The following COG4 variants were observed in gnomAD, a reference collection of about 807,000 sequenced individuals.
COG4 encodes conserved oligomeric Golgi complex subunit 4.
A neutral mutation model predicts 95.1 loss-of-function variants in COG4; 65 were observed. The ratio of observed to expected loss-of-function variants is 0.68; its 90% CI spans 0.56 to 0.84. The LOEUF is 0.84. Among genes scored for constraint, COG4 ranks in the 40% least tolerant of loss-of-function variants. The pLI, the probability that COG4 is intolerant of heterozygous loss-of-function variation, is 0.00. For synonymous variants in COG4, 421 were observed against 374.8 expected (o/e 1.12, Z -1.42); for missense variants, 1,045 against 989.1 (o/e 1.06, Z -0.76).
chr16:70,512,186 A>T, intron 5 of COG4, 53 bp downstream of exon 5: 2 of 1,549,276 alleles, frequency 1.3e-6, no homozygotes, highest in Non-Finnish European at 1.8e-6. Context: ...CAGTGCCCCA[A>T]TCTGCAGGCA....
intron 13 of COG4, among the ~76,000 whole-genome samples, chr16:70,486,537 T>TA (rs2049139597): frequency 6.6e-6 from 1 of 152,202 alleles, no homozygotes; most frequent in African/African-American, 2.4e-5. Flanking sequence ...AATGCAAATC[T>TA]AAGGGCAGCT....
intron 12 of COG4, among the ~76,000 whole-genome samples, chr16:70,495,747 C>T (rs2049327696): frequency 6.6e-6 from 1 of 152,244 alleles, no homozygotes; most frequent in Admixed American, 6.5e-5. Context: ...AGCTGTCACA[C>T]AATGGAAGGC....
rs778505582 is a variant in COG4 at position 70,517,667 on chromosome 16, C to T, written c.328G>A (p.Glu110Lys). Residue 110 changes from glutamate (E) to lysine (K), a missense_variant, in exon 3 of 19, where the codon GAG becomes AAG. Coordinates refer to ENST00000323786, the MANE Select transcript of COG4 (RefSeq NM_015386.3). ...TGACGAACTTTGCTGGACACATTCT[C>T]AGCCAGGTTGCAGGTAAAGGTGATC... ...GMITFTCNLA[E>K]NVSSKVRQLD... The T allele has an allele frequency of 1.2e-6, 2 of 1,608,074 alleles. No homozygotes were observed. Among genetic ancestry groups the T allele is most frequent in the Admixed American group, 3.4e-5 (2 of 59,680 alleles).
rs112890576 is a variant in COG4, at chr16:70,491,174, C to T, written c.1648-782G>A. ...GTCTGCTAAATACCCCCATAGAACACGTATTATCAAGCCCAGTGCACGGGA... is the reference window on the plus strand; with the variant it reads ...GTCTGCTAAATACCCCCATAGAACATGTATTATCAAGCCCAGTGCACGGGA... On this transcript the variant is annotated intron_variant, in intron 12 of 18. Transcript: ENST00000323786. Among the ~76,000 whole-genome samples the T allele has an allele frequency of 6.7e-3, 1,019 of 152,104 alleles. 18 individuals are homozygous for T. Among genetic ancestry groups the T allele is most frequent in the African/African-American group, 0.023 (965 of 41,484 alleles).
chr16:70,498,953 A>G (rs1404153349), intron 9 of COG4, among the ~76,000 whole-genome samples: 3 of 152,138 alleles, frequency 2.0e-5, no homozygotes, highest in African/African-American at 7.2e-5. Context: ...GGTGGCTCAC[A>G]CCTGTAATCC....
chr16:70,481,567 G>T (rs2048993268), intron 17 of COG4, 80 bp from the exon 18 acceptor site: 2 of 1,598,130 alleles, frequency 1.3e-6, no homozygotes, highest in South Asian at 2.2e-5. Flanking sequence ...GAGCTGGGTG[G>T]CAAGGCCCGC....
chr16:70,509,050 G>T, intron 7 of COG4, 181 bp downstream of exon 7: 1 of 741,808 alleles, frequency 1.3e-6, no homozygotes, highest in South Asian at 1.5e-5. Flanking sequence ...TCATCATCTC[G>T]ACAACACCTC....
At chr16:70,486,155 A>G (rs1051125687) in intron 13 of COG4, among the ~76,000 whole-genome samples, 1 of 152,166 alleles carries the variant, frequency 6.6e-6, no homozygotes, top group Non-Finnish European at 1.5e-5. Context: ...TTGGCCTCCC[A>G]AAGTGCTAGG....
intron 13 of COG4, among the ~76,000 whole-genome samples, chr16:70,484,636 C>T (rs1180578583): frequency 6.6e-6 from 1 of 152,214 alleles, no homozygotes; most frequent in African/African-American, 2.4e-5. Flanking sequence ...CGAGGTGGCT[C>T]ATGCGGGTAA....
Position 70,500,744 on chromosome 16 carries a change from C to A in COG4, c.1195+214G>T, listed in dbSNP as rs749556989. 1.2e-4 allele frequency among the ~76,000 whole-genome samples: 19 copies of A among 152,238 alleles called. No homozygotes were observed. In the Middle Eastern group the frequency reaches 0.01, roughly 82 times the overall value. ...AAAATTTAAAACAGGGCACCAGTGTCCTCATCTGTAAAGTGATTAGATGGC... is the reference window on the plus strand; with the variant it reads ...AAAATTTAAAACAGGGCACCAGTGTACTCATCTGTAAAGTGATTAGATGGC... On this transcript the variant is annotated intron_variant, in intron 9 of 18. Transcript: ENST00000323786.
rs535935157 is a variant in COG4, at chr16:70,480,972, C to G, written c.*38G>C. 8 of 1,609,890 alleles carry G rather than the reference C, an allele frequency of 5.0e-6. No individual in the cohort carries two copies. The South Asian group carries it at 8.8e-5, about 18-fold the overall frequency. On this transcript the variant is annotated 3_prime_UTR_variant, in exon 19 of 19. Transcript: ENST00000323786. ...GGCTGGGGCCCCTTAGGGAACAGGC[C>G]TGCAAGTGTGATGAGCCAGGTGTGC...
intron 8 of COG4, among the ~76,000 whole-genome samples, chr16:70,506,914 C>G (rs2049589940): frequency 6.6e-6 from 1 of 151,980 alleles, no homozygotes; most frequent in African/African-American, 2.4e-5. Context: ...ATATTTTGGT[C>G]AGAAATGAAC....
At chr16:70,509,731 GGAGA>G (rs2151758478) in intron 6 of COG4, 181 bp downstream of exon 6, 2 of 641,196 alleles carry the variant, frequency 3.1e-6, no homozygotes, top group South Asian at 3.6e-5. Flanking sequence ...TCAAAACACT[GGAGA>G]GACTCTAATC....
Position 70,496,310 on chromosome 16 carries a change from T to G in COG4, c.1603A>C (p.Thr535Pro). 6.2e-7 allele frequency: 1 copy of G among 1,614,202 alleles called. No individual in the cohort carries two copies. The highest frequency in any genetic ancestry group is 8.5e-7 in the Non-Finnish European group (1 of 1,180,034). Residue 535 changes from threonine to proline, a missense_variant, in exon 12 of 19, where the codon ACA (threonine) becomes CCA (proline). Coordinates refer to ENST00000323786, the MANE Select transcript of COG4 (RefSeq NM_015386.3). Reference sequence around the variant, plus strand: ...TCGTCAGTACTCTCGATGCCTTTTGTGTCAAATTTGCCTTGCTGGAGGCTG... The same window carrying G: ...TCGTCAGTACTCTCGATGCCTTTTGGGTCAAATTTGCCTTGCTGGAGGCTG... ...HSSLQQGKFDTKGIESTDEAK... is the reference protein window; with the variant it reads ...HSSLQQGKFDPKGIESTDEAK...
chr16:70,523,055 C>G, intron 1 of COG4: 2 of 372,240 alleles, frequency 5.4e-6, no homozygotes, highest in Non-Finnish European at 9.9e-6. Context: ...ATTTTGAGAA[C>G]CAAGCAATTT....
chr16:70,507,936 T>A (rs1165591725), intron 8 of COG4, among the ~76,000 whole-genome samples: 3 of 152,064 alleles, frequency 2.0e-5, no homozygotes, highest in Non-Finnish European at 4.4e-5. Context: ...TTATTTATTT[T>A]TTGAGACAGA....
rs770812330 is a variant in COG4 at position 70,509,365 on chromosome 16, G to A, written c.868C>T (p.His290Tyr). ...FEGIARIVET[H>Y]QPIVETYYGP... The stretch of plus-strand genomic sequence containing the variant: ...TAATAGGTCTCCACTATTGGCTGGT[G>A]GGTCTCCACAATGCGGGCAATCCCT... Residue 290 changes from histidine to tyrosine, a missense_variant, in exon 7 of 19, where the codon CAC (histidine) becomes TAC (tyrosine). His to Tyr is a moderately conservative substitution (Grantham distance 83). Transcript: ENST00000323786. 2.2e-5 allele frequency: 35 copies of A among 1,614,018 alleles called. No individual in the cohort carries two copies. Among genetic ancestry groups the A allele is most frequent in the Non-Finnish European group, 3.0e-5 (35 of 1,180,016 alleles).
chr16:70,506,835 T>C (rs527513240), intron 8 of COG4, among the ~76,000 whole-genome samples: 1 of 152,096 alleles, frequency 6.6e-6, no homozygotes, highest in South Asian at 2.1e-4. Flanking sequence ...AGGATAGTAG[T>C]TACCTTTGTG....
Position 70,509,240 on chromosome 16 carries a change from G to C in COG4, c.993C>G (p.Tyr331Ter), listed in dbSNP as rs2049646657. Residue 331 changes from tyrosine (Y) to a stop codon, truncating the protein, a stop_gained, in exon 7 of 19, where the codon TAC becomes TAG. Transcript: ENST00000323786. LOFTEE classifies it high-confidence loss of function. ...VVDKFIKQRD[Y>*]HQQFRHVQNN... is the part of the protein sequence containing the mutation. ...AGCTTCCCCTGCTCACCTGCTGGTGGTAGTCCCTTTGCTTGATGAACTTGT... is the reference window on the plus strand; with the variant it reads ...AGCTTCCCCTGCTCACCTGCTGGTGCTAGTCCCTTTGCTTGATGAACTTGT... The C allele has an allele frequency of 6.2e-7, 1 of 1,613,974 alleles. No homozygotes were observed. Among genetic ancestry groups the C allele is most frequent in the Admixed American group, 1.7e-5 (1 of 59,982 alleles).
Sources: gnomAD v4.1 joint callset for allele counts (sites outside exome capture counted in the v4.1 genomes callset) on GRCh38, gnomAD v4.1.1 for gene constraint, MANE v1.5 for transcripts, NCBI Gene and HGNC (gene_info 2026-07-23, HGNC 2026-07-21) for gene names.